DNAJC6: variants seen among roughly 807,000 people sequenced by gnomAD.
The protein encoded by DNAJC6 is DnaJ heat shock protein family (Hsp40) member C6.
In DNAJC6, 34 loss-of-function variants were observed where a neutral mutation model predicts 110.0. That is an observed-to-expected ratio of 0.31 (90% CI 0.24 to 0.41). The LOEUF is 0.41. Among genes scored for constraint, DNAJC6 ranks in the 10% least tolerant of loss-of-function variants. The pLI is 1.00. For missense variants in DNAJC6, 1,031 were observed against 1,207.8 expected, an observed-to-expected ratio of 0.85 and a Z score of 2.17; for synonymous variants, 406 against 437.2, an observed-to-expected ratio of 0.93 and a Z score of 0.89.
chr1:65,381,548 C>CA lies in DNAJC6; in HGVS notation c.666+2038dup, dbSNP rs35401253. On this transcript the variant is annotated intron_variant, in intron 5 of 18. Transcript: ENST00000371069. ...TGGGCAACAGAGTAGGATTCCCTCT[C>CA]AAAAAAAAAAAAAATGATAATAACA... 9.5e-3 allele frequency among the ~76,000 whole-genome samples: 1,124 copies of CA among 117,932 alleles called. 6 individuals are homozygous for CA. Among genetic ancestry groups the CA allele is most frequent in the Admixed American group, 0.016 (185 of 11,292 alleles). The allele number at this position is 117,932 out of a possible 152,430, so 77.4% of individuals were successfully genotyped here. A position where few individuals can be genotyped will look rare whatever the true frequency, so the allele number is the denominator to read the frequency against.
intron 1 of DNAJC6, 25 bp from the exon 2 acceptor site, chr1:65,364,610 G>GTTTTTTTTTTTT: frequency 6.9e-7 from 1 of 1,441,978 alleles, no homozygotes; most frequent in Admixed American, 2.3e-5. Context: ...ATTTTTGTTT[G>GTTTTTTTTTTTT]TTTGTTTTTT....
At chr1:65,264,838 A>T in exon 1 of DNAJC6, 1 of 1,601,346 alleles carries the variant, frequency 6.2e-7, no homozygotes, top group Non-Finnish European at 8.5e-7. Flanking sequence ...ACTGTGAATG[A>T]CAAATCAAAA....
intron 17 of DNAJC6, among the ~76,000 whole-genome samples, chr1:65,409,534 G>T (rs982112312): frequency 2.6e-5 from 4 of 152,176 alleles, no homozygotes; most frequent in Non-Finnish European, 5.9e-5. Flanking sequence ...CTGGTAAGAA[G>T]AATGCATTAT....
At chr1:65,282,632 G>T (rs934534409) in intron 1 of DNAJC6, among the ~76,000 whole-genome samples, 1 of 152,176 alleles carries the variant, frequency 6.6e-6, no homozygotes, top group Admixed American at 6.6e-5. Context: ...CAGATGTCAG[G>T]TGTACATAAC....
intron 1 of DNAJC6, among the ~76,000 whole-genome samples, chr1:65,275,608 T>A (rs1326961555): frequency 1.3e-5 from 2 of 152,174 alleles, no homozygotes; most frequent in African/African-American, 2.4e-5. Flanking sequence ...CGGCTTGAGG[T>A]TTTTTGTAAT....
At chr1:65,374,211 A>T (rs1157071267) in intron 4 of DNAJC6, among the ~76,000 whole-genome samples, 4 of 151,970 alleles carry the variant, frequency 2.6e-5, no homozygotes, top group Admixed American at 1.3e-4. Flanking sequence ...AAGTCAGATG[A>T]TGTGATGCCT....
At chr1:65,412,612 A>T (rs1256024699) in intron 18 of DNAJC6, among the ~76,000 whole-genome samples, 1 of 152,202 alleles carries the variant, frequency 6.6e-6, no homozygotes, top group Non-Finnish European at 1.5e-5. Context: ...GTCAATAGAG[A>T]TGGGCTGTCA....
intron 5 of DNAJC6, among the ~76,000 whole-genome samples, chr1:65,382,941 A>C (rs1195108248): frequency 6.6e-6 from 1 of 152,228 alleles, no homozygotes; most frequent in African/African-American, 2.4e-5. Flanking sequence ...AAAGGGAAAT[A>C]GAAGCATTGA....
At chr1:65,412,106 A>C (rs1646134854) in intron 18 of DNAJC6, among the ~76,000 whole-genome samples, 1 of 152,268 alleles carries the variant, frequency 6.6e-6, no homozygotes, top group Non-Finnish European at 1.5e-5. Context: ...AAAAAGCTTC[A>C]GAATGTAGTT....
chr1:65,404,833 G>A (rs1646060290), intron 15 of DNAJC6, among the ~76,000 whole-genome samples: 1 of 152,128 alleles, frequency 6.6e-6, no homozygotes, highest in African/African-American at 2.4e-5. Context: ...TCCATTAATT[G>A]GCTGTGTGAT....
Position 65,412,921 on chromosome 1 carries a change from C to T in DNAJC6, c.2812-3C>T. The T allele has an allele frequency of 6.2e-7, 1 of 1,611,296 alleles. No homozygotes were observed. Among genetic ancestry groups the T allele is most frequent in the African/African-American group, 1.3e-5 (1 of 74,766 alleles). ...CTAATGTGTGTTTTTGTTTTCTCTA[C>T]AGGCTACTGGGCAACCCTATGAACA... On this transcript the variant is annotated splice_region_variant and splice_polypyrimidine_tract_variant and intron_variant, in intron 18 of 18. Coordinates refer to ENST00000371069, the MANE Select transcript of DNAJC6 (RefSeq NM_001256864.2).
Position 65,354,280 on chromosome 1 carries a change from G to A in DNAJC6, c.194-10355G>A, listed in dbSNP as rs141768954. On this transcript the variant is annotated intron_variant, in intron 1 of 18. Coordinates refer to ENST00000371069, the MANE Select transcript of DNAJC6 (RefSeq NM_001256864.2). ...AGGCAGGATGGGGAAGTGAATAAGA[G>A]CAGAGGCTTTGGGTCCAGCCAAACC... Among the ~76,000 whole-genome samples the A allele has an allele frequency of 2.5e-3, 387 of 152,252 alleles. 2 individuals are homozygous for A. Among genetic ancestry groups the A allele is most frequent in the African/African-American group, 9.1e-3 (377 of 41,564 alleles).
At chr1:65,349,717 A>G (rs1262031840) in intron 1 of DNAJC6, among the ~76,000 whole-genome samples, 1 of 140,010 alleles carries the variant, frequency 7.1e-6, no homozygotes, top group African/African-American at 2.8e-5. Context: ...CTTTTTCTCT[A>G]TCAGCTACTA....
rs35140822 is a variant in DNAJC6 at position 65,315,240 on chromosome 1, A to G, written c.193+5302A>G. Among the ~76,000 whole-genome samples the G allele has an allele frequency of 8.2e-3, 1,241 of 152,052 alleles. 4 individuals are homozygous for G. Among genetic ancestry groups the G allele is most frequent in the Non-Finnish European group, 0.013 (860 of 68,002 alleles). On this transcript the variant is annotated intron_variant, in intron 1 of 18. Coordinates refer to ENST00000371069, the MANE Select transcript of DNAJC6 (RefSeq NM_001256864.2). Reference sequence around the variant, plus strand: ...CTAAGTTCCACATGCTTTTTTCTCTATATAAAATGATTTCCATATAATTAT... The same window carrying G: ...CTAAGTTCCACATGCTTTTTTCTCTGTATAAAATGATTTCCATATAATTAT...
chr1:65,358,813 TA>T (rs1258810826), intron 1 of DNAJC6, among the ~76,000 whole-genome samples: 38 of 152,244 alleles, frequency 2.5e-4, no homozygotes, highest in Admixed American at 2.0e-3. Flanking sequence ...TGGTAAACAC[TA>T]TCTTGATGAA....
chr1:65,323,085 G>T (rs1645211356), intron 1 of DNAJC6, among the ~76,000 whole-genome samples: 1 of 152,236 alleles, frequency 6.6e-6, no homozygotes, highest in Admixed American at 6.5e-5. Context: ...GAAAGCATTG[G>T]AGTTGGAGCC....
intron 4 of DNAJC6, among the ~76,000 whole-genome samples, chr1:65,374,919 TC>T (rs1296822392): frequency 6.6e-6 from 1 of 152,142 alleles, no homozygotes; most frequent in African/African-American, 2.4e-5. Flanking sequence ...CATGGATTTG[TC>T]ATAGATGGCC....
intron 1 of DNAJC6, among the ~76,000 whole-genome samples, chr1:65,291,729 C>T (rs1303173809): frequency 6.6e-6 from 1 of 152,128 alleles, no homozygotes; most frequent in Non-Finnish European, 1.5e-5. Context: ...CTGTAAATAT[C>T]ACCTATCATT....
intron 5 of DNAJC6, among the ~76,000 whole-genome samples, chr1:65,382,117 C>T (rs534786069): frequency 2.4e-4 from 36 of 152,246 alleles, no homozygotes; most frequent in Non-Finnish European, 4.4e-4. Context: ...ATTCAAGGCA[C>T]AATTCTGAGA....
Sources: gnomAD v4.1 joint callset for allele counts (sites outside exome capture counted in the v4.1 genomes callset) on GRCh38, gnomAD v4.1.1 for gene constraint, MANE v1.5 for transcripts, NCBI Gene and HGNC (gene_info 2026-07-23, HGNC 2026-07-21) for gene names.